The following SH3KBP1 variants were observed in gnomAD, a reference collection of about 807,000 sequenced individuals.
The protein encoded by SH3KBP1 is SH3 domain containing kinase binding protein 1.
A neutral mutation model predicts 50.1 loss-of-function variants in SH3KBP1; 8 were observed. The observed-to-expected ratio is 0.16, with a 90% CI of 0.09 to 0.29. The LOEUF (loss-of-function observed/expected upper bound fraction) is 0.29, where lower values mean the gene tolerates loss of function less well. Ranked by LOEUF, SH3KBP1 falls within the 10% of genes least tolerant of loss-of-function variation. The pLI is 1.00. For synonymous variants in SH3KBP1, 227 were observed against 218.6 expected (o/e 1.04, Z -0.34); for missense variants, 377 against 535.2 (o/e 0.70, Z 2.92).
intron 1 of SH3KBP1, among the ~76,000 whole-genome samples, chrX:19,874,668 G>C (rs954955251): frequency 2.1e-4 from 22 of 104,085 alleles, no homozygotes; most frequent in Admixed American, 8.3e-4. Flanking sequence ...AAAACACAGA[G>C]GGGCTGAGAG....
intron 2 of SH3KBP1, among the ~76,000 whole-genome samples, chrX:19,776,532 G>GTTTTTTTTTTTTTT (rs72090569): frequency 7.8e-5 from 2 of 25,683 alleles, no homozygotes; most frequent in African/African-American, 3.4e-4. Context: ...TGACAACCTG[G>GTTTTTTTTTTTTTT]TTTTTTTTTT....
chrX:19,540,858 G>C (rs60601491), intron 16 of SH3KBP1, among the ~76,000 whole-genome samples: 6,744 of 111,480 alleles, frequency 0.06, 527 homozygotes, highest in African/African-American at 0.2. Flanking sequence ...ATTCTCTCAA[G>C]AAACAGCTAA....
intron 13 of SH3KBP1, among the ~76,000 whole-genome samples, chrX:19,562,579 G>A (rs2065714812): frequency 3.6e-5 from 4 of 111,507 alleles, no homozygotes; most frequent in Admixed American, 1.9e-4. Flanking sequence ...TCCAGAATAC[G>A]GCACTAGAAT....
At chrX:19,629,486 C>G (rs985821626) in intron 8 of SH3KBP1, among the ~76,000 whole-genome samples, 4 of 111,663 alleles carry the variant, frequency 3.6e-5, no homozygotes, top group African/African-American at 1.3e-4. Context: ...TCCTTCACTA[C>G]CCCAGGGCTC....
At chrX:19,610,787 T>A (rs2067389093) in intron 8 of SH3KBP1, among the ~76,000 whole-genome samples, 1 of 112,054 alleles carries the variant, frequency 8.9e-6, no homozygotes. Flanking sequence ...TCTTTACATG[T>A]GTGAATGGTT....
chrX:19,845,959 A>G (rs772013661), intron 1 of SH3KBP1, among the ~76,000 whole-genome samples: 83 of 111,806 alleles, frequency 7.4e-4, no homozygotes, highest in African/African-American at 2.6e-3. Flanking sequence ...CCATCATTCT[A>G]CTTTTTTTCA....
At chrX:19,762,073 A>G (rs1318701566) in intron 2 of SH3KBP1, among the ~76,000 whole-genome samples, 3 of 112,568 alleles carry the variant, frequency 2.7e-5, no homozygotes, top group Admixed American at 1.9e-4. Context: ...CGAAAATTAA[A>G]ACTGAGGAAA....
chrX:19,578,204 G>A (rs1257542167), intron 12 of SH3KBP1, among the ~76,000 whole-genome samples: 1 of 111,579 alleles, frequency 9.0e-6, no homozygotes, highest in East Asian at 2.8e-4. Flanking sequence ...TTTTGGTTAC[G>A]TGGATGAATT....
chrX:19,775,695 A>G (rs1455987563), intron 2 of SH3KBP1, among the ~76,000 whole-genome samples: 1 of 111,472 alleles, frequency 9.0e-6, no homozygotes, highest in African/African-American at 3.3e-5. Flanking sequence ...CATGGACACC[A>G]CCGCTCCTCT....
At chrX:19,718,999 G>A (rs946656670) in intron 3 of SH3KBP1, among the ~76,000 whole-genome samples, 1 of 111,441 alleles carries the variant, frequency 9.0e-6, no homozygotes, top group South Asian at 3.8e-4. Context: ...TTCCGAGCTC[G>A]CCCCTCACTC....
chrX:19,712,707 G>A lies in SH3KBP1; in HGVS notation c.287-5723C>T, dbSNP rs1279190525. On this transcript the variant is annotated intron_variant, in intron 3 of 17. Transcript: ENST00000397821. ...TGGTCCCCTTGGAATGAAGAGAGCT[G>A]GCAGATACAGCCTTACCCAAGTGAT... Among the ~76,000 whole-genome samples, 3 of 111,108 alleles carry A rather than the reference G, an allele frequency of 2.7e-5. No homozygotes were observed. In the Admixed American group the frequency reaches 2.9e-4, roughly 11 times the overall value.
In SH3KBP1 at chrX:19,536,115, C is replaced by T. The variant is rs985973861; in HGVS notation, c.*302G>A. The T allele has an allele frequency of 1.5e-5, 3 of 196,044 alleles. No homozygotes were observed. The highest frequency in any genetic ancestry group is 8.8e-5 in the African/African-American group (3 of 34,056). 16.2% of individuals were successfully genotyped at this position (196,044 alleles called of 1,213,427 possible). ...AATGGAAAATATCATCAAAATAGTACCACTATGGACTAAACTGCCTGAGTT... is the reference window on the plus strand; with the variant it reads ...AATGGAAAATATCATCAAAATAGTATCACTATGGACTAAACTGCCTGAGTT... On this transcript the variant is annotated 3_prime_UTR_variant, in exon 18 of 18. Coordinates refer to ENST00000397821, the MANE Select transcript of SH3KBP1 (RefSeq NM_031892.3).
At chrX:19,568,475 T>C (rs182563527) in intron 13 of SH3KBP1, among the ~76,000 whole-genome samples, 1,131 of 112,165 alleles carry the variant, frequency 0.01, 14 homozygotes, top group African/African-American at 0.035. Context: ...AAAAAATTAG[T>C]CCCTGAATCT....
intron 12 of SH3KBP1, among the ~76,000 whole-genome samples, chrX:19,580,285 C>A (rs2066328694): frequency 8.9e-6 from 1 of 111,840 alleles, no homozygotes; most frequent in African/African-American, 3.3e-5. Context: ...CACATATACA[C>A]ACACACAAAT....
chrX:19,690,352 C>G (rs947178000), intron 5 of SH3KBP1, among the ~76,000 whole-genome samples: 2 of 111,505 alleles, frequency 1.8e-5, no homozygotes, highest in African/African-American at 6.5e-5. Context: ...GCCACCACAC[C>G]TGGCCTCCAT....
At chrX:19,731,234 C>T (rs1486658627) in intron 3 of SH3KBP1, among the ~76,000 whole-genome samples, 5 of 112,341 alleles carry the variant, frequency 4.5e-5, no homozygotes, top group African/African-American at 6.5e-5. Flanking sequence ...CCACTGCGCC[C>T]GGCCTACACT....
chrX:19,690,686 A>G, intron 5 of SH3KBP1, among the ~76,000 whole-genome samples: 1 of 112,749 alleles, frequency 8.9e-6, no homozygotes, highest in Non-Finnish European at 1.9e-5. Flanking sequence ...ATTGGACAAC[A>G]GTCGTATCTG....
chrX:19,580,174 C>T (rs1360941317), intron 12 of SH3KBP1, among the ~76,000 whole-genome samples: 1 of 111,387 alleles, frequency 9.0e-6, no homozygotes, highest in Admixed American at 9.5e-5. Context: ...AGTGGGTGGG[C>T]CTGGTTACCA....
chrX:19,804,883 C>CCCG (rs2066993828), intron 2 of SH3KBP1, among the ~76,000 whole-genome samples: 1 of 28,766 alleles, frequency 3.5e-5, no homozygotes, highest in African/African-American at 1.9e-4. Context: ...CCAAACCCTA[C>CCCG]CCCCCCCCCC....
Sources: allele counts gnomAD v4.1 joint callset (sites outside exome capture counted in the v4.1 genomes callset), GRCh38; gene constraint gnomAD v4.1.1; transcripts MANE v1.5; gene names NCBI Gene and HGNC (gene_info 2026-07-23, HGNC 2026-07-21).